Variants in ZNF789 observed in about 807,000 individuals in gnomAD.
ZNF789 encodes the protein zinc finger protein 789.
A neutral mutation model predicts 15.6 loss-of-function variants in ZNF789; 11 were observed. The ratio of observed to expected loss-of-function variants is 0.70; its 90% CI spans 0.44 to 1.16. The LOEUF is 1.16. Among genes scored for constraint, ZNF789 ranks in the 50% most tolerant of loss-of-function variants. ZNF789 has a pLI of 0.00. For missense variants in ZNF789, 461 were observed against 512.6 expected, an observed-to-expected ratio of 0.90 and a Z score of 0.97; for synonymous variants, 159 against 176.0, an observed-to-expected ratio of 0.90 and a Z score of 0.76.
rs1455058054 is a variant in ZNF789 at position 99,487,538 on chromosome 7, T to C, written c.*50T>C. 6.5e-7 allele frequency: 1 copy of C among 1,546,830 alleles called. No homozygotes were observed. The highest frequency in any genetic ancestry group is 1.2e-5 in the South Asian group (1 of 81,006). ...AGAACTAGAACTTATAAACCTCTAC[T>C]TCAAGTGTGTATCACGTAATTGTTT... is the stretch of plus-strand genomic sequence containing the variant. On this transcript the variant is annotated 3_prime_UTR_variant, in exon 5 of 5. Coordinates refer to ENST00000331410, the MANE Select transcript of ZNF789 (RefSeq NM_213603.3).
At chr7:99,484,934 A>T (rs1161414658) in intron 4 of ZNF789, among the ~76,000 whole-genome samples, 1 of 152,170 alleles carries the variant, frequency 6.6e-6, no homozygotes, top group Non-Finnish European at 1.5e-5. Context: ...CTGAAAAAAG[A>T]ACTCTCACAG....
At chr7:99,485,157 C>T (rs1263247957) in intron 4 of ZNF789, 7 of 1,533,544 alleles carry the variant, frequency 4.6e-6, no homozygotes, top group Admixed American at 3.9e-5. Context: ...CATATTACTC[C>T]CGTATTTCCT....
intron 2 of ZNF789, chr7:99,478,478 GA>G: frequency 1.3e-6 from 1 of 788,738 alleles, no homozygotes; most frequent in Non-Finnish European, 1.9e-6. Context: ...AGCTTCTCAG[GA>G]TGGTCTCAGG....
Position 99,486,427 on chromosome 7 carries a change from T to C in ZNF789, c.266-49T>C, listed in dbSNP as rs1358776810. On this transcript the variant is annotated intron_variant, in intron 4 of 4. Transcript: ENST00000331410. ...AACAGTTGCCTTCTCTTCCTTTTTT[T>C]CTTCTGCAGTGGATAGGTCATTTAC... is the stretch of plus-strand genomic sequence containing the variant. The C allele has an allele frequency of 5.9e-6, 9 of 1,523,968 alleles. No individual in the cohort carries two copies. In the Admixed American group the frequency reaches 1.6e-4, roughly 26 times the overall value. The allele number at this position is 1,523,968 out of a possible 1,614,324, so 94.4% of individuals were successfully genotyped here.
chr7:99,476,469 G>A lies in ZNF789; in HGVS notation c.13G>A (p.Ala5Thr). 6.2e-7 allele frequency: 1 copy of A among 1,612,056 alleles called. No individual in the cohort carries two copies. The highest frequency in any genetic ancestry group is 1.1e-5 in the South Asian group (1 of 90,520). MFPPARGKELLSFED... is the reference protein window; with the variant it reads MFPPTRGKELLSFED... The stretch of plus-strand genomic sequence containing the variant: ...GGCCGTGGAAGCCATGTTCCCACCA[G>A]CCAGGGGGAAGGTGAGCTGTGCCTC... The change falls in exon 2 of 5, where the codon GCC (alanine) becomes ACC (threonine). Residue 5 changes from alanine (A) to threonine (T), a missense_variant. Physicochemically the swap from Ala to Thr is moderately conservative, Grantham distance 58. Transcript: ENST00000331410.
At chr7:99,478,459 G>A (rs1164158006) in intron 2 of ZNF789, 11 of 907,888 alleles carry the variant, frequency 1.2e-5, no homozygotes, top group Non-Finnish European at 1.7e-5. Context: ...GCAGAGGGGA[G>A]CTACGTGAAG....
rs1800020592 is a variant in ZNF789, at chr7:99,487,294, A to T, written c.1084A>T (p.Ile362Phe). Reference sequence around the variant, plus strand: ...TGTGGATCTCATTCAGCATCAAAGAATCCATACAAAGGAGGAATTCTTTCA... The same window carrying T: ...TGTGGATCTCATTCAGCATCAAAGATTCCATACAAAGGAGGAATTCTTTCA... ...RNVDLIQHQR[I>F]HTKEEFFQCG... The change falls in exon 5 of 5, where the codon ATC (isoleucine) becomes TTC (phenylalanine). Residue 362 changes from isoleucine to phenylalanine, a missense_variant. Physicochemically the swap from Ile to Phe is conservative, Grantham distance 21. Coordinates refer to ENST00000331410, the MANE Select transcript of ZNF789 (RefSeq NM_213603.3). The T allele has an allele frequency of 6.2e-7, 1 of 1,614,112 alleles. No homozygotes were observed. The highest frequency in any genetic ancestry group is 1.3e-5 in the African/African-American group (1 of 74,934).
intron 3 of ZNF789, 105 bp downstream of exon 3, chr7:99,479,892 G>T (rs187339753): frequency 1.3e-4 from 189 of 1,445,732 alleles, no homozygotes; most frequent in Non-Finnish European, 1.6e-4. Context: ...GGTGAAAACC[G>T]AAAGGTTTTT....
At chr7:99,485,597 C>T (rs753313066) in intron 4 of ZNF789, among the ~76,000 whole-genome samples, 4 of 152,094 alleles carry the variant, frequency 2.6e-5, no homozygotes, top group East Asian at 1.9e-4. Flanking sequence ...TTTTGGAGGC[C>T]GAGATGGGCA....
chr7:99,484,479 G>A (rs1799810272), intron 4 of ZNF789, among the ~76,000 whole-genome samples: 2 of 152,342 alleles, frequency 1.3e-5, no homozygotes, highest in East Asian at 1.9e-4. Flanking sequence ...AATTAGCCCC[G>A]CGTAGTGGCG....
rs1394692547 is a variant in ZNF789, at chr7:99,477,410, G to A, written c.24+930G>A. On this transcript the variant is annotated intron_variant, in intron 2 of 4. Transcript: ENST00000331410. ...GCTGGAATGCAGTGGCATGATCATG[G>A]CTCATGGCAGCCTTGACCTTCCCAG... Among the ~76,000 whole-genome samples the A allele has an allele frequency of 3.3e-5, 5 of 151,972 alleles. No individual in the cohort carries two copies. In the East Asian group the frequency reaches 9.7e-4, roughly 29 times the overall value.
At chr7:99,478,464 G>A in intron 2 of ZNF789, 5 of 894,854 alleles carry the variant, frequency 5.6e-6, no homozygotes, top group South Asian at 5.5e-5. Flanking sequence ...GGGGAGCTAC[G>A]TGAAGCTTCT....
chr7:99,479,936 C>T (rs955002422), intron 3 of ZNF789, 149 bp downstream of exon 3: 3 of 1,078,772 alleles, frequency 2.8e-6, no homozygotes, highest in South Asian at 1.9e-5. Flanking sequence ...CCTGACCAGA[C>T]ATCACCACAG....
Position 99,486,668 on chromosome 7 carries a change from G to C in ZNF789, c.458G>C (p.Gly153Ala). Reference protein sequence around the residue: ...FPTSGDEYSRGFLQNLNLIQD... With the variant: ...FPTSGDEYSRAFLQNLNLIQD... ...ACTAGTGGTGATGAATACAGCAGGG[G>C]CTTCCTTCAAAACCTTAACCTTATT... The change falls in exon 5 of 5, where the codon GGC (glycine) becomes GCC (alanine). Residue 153 changes from glycine (G) to alanine (A), a missense_variant. Coordinates refer to ENST00000331410, the MANE Select transcript of ZNF789 (RefSeq NM_213603.3). The C allele has an allele frequency of 6.2e-7, 1 of 1,614,188 alleles. No individual in the cohort carries two copies. The highest frequency in any genetic ancestry group is 2.2e-5 in the East Asian group (1 of 44,888).
chr7:99,475,755 C>T (rs1018113003), intron 1 of ZNF789, among the ~76,000 whole-genome samples: 4 of 151,242 alleles, frequency 2.6e-5, no homozygotes, highest in Non-Finnish European at 5.9e-5. Flanking sequence ...TATGGTTTGG[C>T]TTCCAGAGCT....
rs530024789 is a variant in ZNF789 at position 99,487,542 on chromosome 7, A to G, written c.*54A>G. ...CTAGAACTTATAAACCTCTACTTCAAGTGTGTATCACGTAATTGTTTCCAT... is the reference window on the plus strand; with the variant it reads ...CTAGAACTTATAAACCTCTACTTCAGGTGTGTATCACGTAATTGTTTCCAT... On this transcript the variant is annotated 3_prime_UTR_variant, in exon 5 of 5. Coordinates refer to ENST00000331410, the MANE Select transcript of ZNF789 (RefSeq NM_213603.3). The G allele has an allele frequency of 6.5e-7, 1 of 1,539,794 alleles. No homozygotes were observed. The highest frequency in any genetic ancestry group is 2.1e-5 in the Admixed American group (1 of 48,308).
intron 4 of ZNF789, among the ~76,000 whole-genome samples, chr7:99,484,734 C>T (rs1464657474): frequency 2.0e-5 from 3 of 152,094 alleles, no homozygotes; most frequent in Non-Finnish European, 2.9e-5. Flanking sequence ...TTCAGGATCA[C>T]CCTGGGTGAT....
At chr7:99,476,307 TTGTC>T (rs1323164068) in intron 1 of ZNF789, 92 bp from the exon 2 acceptor site, 1 of 732,274 alleles carries the variant, frequency 1.4e-6, no homozygotes, top group Non-Finnish European at 2.2e-6. Flanking sequence ...GTATTAAGCT[TTGTC>T]TGTGTGCCCC....
intron 1 of ZNF789, 35 bp from the exon 2 acceptor site, chr7:99,476,368 T>C: frequency 6.6e-7 from 1 of 1,508,912 alleles, no homozygotes; most frequent in Non-Finnish European, 9.0e-7. Flanking sequence ...AGCTTCAAAT[T>C]AGGGCTGGCC....
Sources: gnomAD v4.1 joint callset for allele counts (sites outside exome capture counted in the v4.1 genomes callset) on GRCh38, gnomAD v4.1.1 for gene constraint, MANE v1.5 for transcripts, NCBI Gene and HGNC (gene_info 2026-07-23, HGNC 2026-07-21) for gene names.